PELI2: variants seen among roughly 807,000 people sequenced by gnomAD.
PELI2 encodes pellino E3 ubiquitin protein ligase family member 2.
A neutral mutation model predicts 42.3 loss-of-function variants in PELI2; 23 were observed. The ratio of observed to expected loss-of-function variants is 0.54; its 90% confidence interval spans 0.39 to 0.77. The LOEUF is 0.77. Ranked by LOEUF, PELI2 falls within the 30% of genes least tolerant of loss-of-function variation. The pLI is 0.00. For synonymous variants in PELI2, 245 were observed against 212.2 expected (o/e 1.15, Z -1.34); for missense variants, 463 against 553.2 (o/e 0.84, Z 1.64).
In PELI2 at chr14:56,178,288, G is replaced by T. The variant is rs756584234; in HGVS notation, c.78-47G>T. On this transcript the variant is annotated intron_variant, in intron 1 of 5. Transcript: ENST00000267460. The stretch of plus-strand genomic sequence containing the variant: ...AATACCTCTAACTTTTATGTTTAAA[G>T]CTTGAAAAATCTGCAGATAGATGAA... The T allele has an allele frequency of 5.6e-6, 9 of 1,603,452 alleles. No homozygotes were observed. In the African/African-American group the frequency reaches 9.4e-5, roughly 17 times the overall value.
At chr14:56,125,557 C>CTT (rs1277098716) in intron 1 of PELI2, among the ~76,000 whole-genome samples, 2 of 151,926 alleles carry the variant, frequency 1.3e-5, no homozygotes, top group African/African-American at 4.8e-5. Flanking sequence ...TTTTTACTTA[C>CTT]TTTTTTTTCT....
intron 1 of PELI2, among the ~76,000 whole-genome samples, chr14:56,160,048 A>C (rs1317707361): frequency 1.3e-5 from 2 of 149,656 alleles, no homozygotes; most frequent in Non-Finnish European, 1.5e-5. Context: ...TTTGTTTTGC[A>C]TGTTCTTTTT....
chr14:56,249,667 G>A (rs1372264631), intron 2 of PELI2, among the ~76,000 whole-genome samples: 1 of 152,150 alleles, frequency 6.6e-6, no homozygotes, highest in African/African-American at 2.4e-5. Flanking sequence ...AGGCAATATG[G>A]GAATACACAC....
In PELI2 at chr14:56,254,741, G is replaced by A. The variant is rs148582517; in HGVS notation, c.208-24935G>A. On this transcript the variant is annotated intron_variant, in intron 2 of 5. Coordinates refer to ENST00000267460, the MANE Select transcript of PELI2 (RefSeq NM_021255.3). ...GGAGAAAATTTTTGCAATCTTTCCC[G>A]TCTGACAAAGGGCTAATATCCAGAA... Among the ~76,000 whole-genome samples, 71 of 152,128 alleles carry A rather than the reference G, an allele frequency of 4.7e-4. 1 individual carries two copies. Among genetic ancestry groups the A allele is most frequent in the African/African-American group, 1.7e-3 (70 of 41,500 alleles).
intron 1 of PELI2, among the ~76,000 whole-genome samples, chr14:56,161,141 A>T (rs1056015494): frequency 1.3e-5 from 2 of 152,252 alleles, no homozygotes; most frequent in Non-Finnish European, 2.9e-5. Flanking sequence ...CTAGAATCAC[A>T]CGTGTAAGAC....
At chr14:56,214,784 T>C (rs1318189806) in intron 2 of PELI2, among the ~76,000 whole-genome samples, 1 of 151,874 alleles carries the variant, frequency 6.6e-6, no homozygotes, top group Non-Finnish European at 1.5e-5. Context: ...GTTTGATGAG[T>C]GGGGAAAGGC....
chr14:56,195,466 T>C (rs1245283696), intron 2 of PELI2, among the ~76,000 whole-genome samples: 2 of 152,240 alleles, frequency 1.3e-5, no homozygotes, highest in Non-Finnish European at 2.9e-5. Context: ...CTGAAGCAGC[T>C]TTCCACTGCA....
chr14:56,118,788 C>T (rs113941580), intron 1 of PELI2, 51 bp downstream of exon 1: 3 of 1,293,798 alleles, frequency 2.3e-6, no homozygotes, highest in South Asian at 2.8e-5. Flanking sequence ...GGGGAGCGCC[C>T]GCATCCTGGA....
chr14:56,178,913 C>T (rs1488357293), intron 2 of PELI2, among the ~76,000 whole-genome samples: 1 of 152,042 alleles, frequency 6.6e-6, no homozygotes, highest in Admixed American at 6.6e-5. Context: ...TATTTTCCTT[C>T]TGTTAATTGA....
chr14:56,232,090 C>T (rs1887598112), intron 2 of PELI2, among the ~76,000 whole-genome samples: 1 of 152,244 alleles, frequency 6.6e-6, no homozygotes, highest in African/African-American at 2.4e-5. Context: ...AGACAAATAG[C>T]AGGCTCTGAA....
intron 1 of PELI2, among the ~76,000 whole-genome samples, chr14:56,162,311 G>A (rs964318633): frequency 4.0e-5 from 6 of 151,626 alleles, no homozygotes; most frequent in East Asian, 1.9e-4. Context: ...CTCTATGTCC[G>A]TGAGTTCAGT....
chr14:56,138,106 C>G (rs530561933), intron 1 of PELI2, among the ~76,000 whole-genome samples: 2 of 152,324 alleles, frequency 1.3e-5, no homozygotes, highest in East Asian at 3.9e-4. Context: ...AGCCCGCTCT[C>G]GCTGCACCGG....
intron 1 of PELI2, among the ~76,000 whole-genome samples, chr14:56,176,514 CT>C (rs1885392654): frequency 6.6e-6 from 1 of 152,184 alleles, no homozygotes; most frequent in South Asian, 2.1e-4. Flanking sequence ...CATGCTCCCC[CT>C]AACTGCCACC....
At chr14:56,239,943 T>C (rs1887917447) in intron 2 of PELI2, among the ~76,000 whole-genome samples, 1 of 152,150 alleles carries the variant, frequency 6.6e-6, no homozygotes, top group African/African-American at 2.4e-5. Context: ...AATCTATCAG[T>C]AGCAGAAAAG....
chr14:56,178,449 G>C lies in PELI2; in HGVS notation c.192G>C (p.Thr64=). 4 of 1,614,096 alleles carry C rather than the reference G, an allele frequency of 2.5e-6. No homozygotes were observed. The highest frequency in any genetic ancestry group is 3.4e-6 in the Non-Finnish European group (4 of 1,179,982). ...CCAGCACCGTCCATGTGATATCCAC[G>C]CCCCAGGCATCCAAGGTAGGTGGGT... ...VKPSTVHVIS[T]PQASKAISCK... The change falls in exon 2 of 6, where the codon ACG becomes ACC. Residue 64 remains threonine, a synonymous_variant. Transcript: ENST00000267460.
At position 56,219,152 on chromosome 14, in the gene PELI2, T is replaced by TTTA. The variant is rs138642931; in HGVS notation, c.207+40690_207+40691insATT. 1.9e-3 allele frequency among the ~76,000 whole-genome samples: 283 copies of TTTA among 151,802 alleles called. No homozygotes were observed. The highest frequency in any genetic ancestry group is 3.3e-3 in the Non-Finnish European group (224 of 67,908). On this transcript the variant is annotated intron_variant, in intron 2 of 5. Coordinates refer to ENST00000267460, the MANE Select transcript of PELI2 (RefSeq NM_021255.3). This position sits in a 1 kb window ranked among gnomAD's most constrained non-coding sequence, Gnocchi z 4.1. ...CCTGGTCTCTTAATTCCTTTTTTATTTTTTTTTGGATGACTTGAGGACAAT... is the reference window on the plus strand; with the variant it reads ...CCTGGTCTCTTAATTCCTTTTTTATTTTATTTTTTTGGATGACTTGAGGACAAT...
At chr14:56,237,658 C>T (rs1008117248) in intron 2 of PELI2, among the ~76,000 whole-genome samples, 2 of 151,006 alleles carry the variant, frequency 1.3e-5, no homozygotes, top group East Asian at 3.9e-4. Flanking sequence ...CCCCAAGCAT[C>T]ATAATTGCTG....
intron 1 of PELI2, among the ~76,000 whole-genome samples, chr14:56,131,776 A>C (rs1461510580): frequency 6.6e-6 from 1 of 152,212 alleles, no homozygotes; most frequent in African/African-American, 2.4e-5. Flanking sequence ...GTCAAAGCTC[A>C]TGCTTTGGGT....
intron 2 of PELI2, among the ~76,000 whole-genome samples, chr14:56,223,466 C>A (rs1003045238): frequency 7.2e-5 from 11 of 152,152 alleles, no homozygotes; most frequent in African/African-American, 1.2e-4. Flanking sequence ...TCTCTGAAGA[C>A]CATCCTGGTC....
Sources: allele counts gnomAD v4.1 joint callset (sites outside exome capture counted in the v4.1 genomes callset), GRCh38; gene constraint gnomAD v4.1.1; non-coding constraint Gnocchi (gnomAD v3.1); transcripts MANE v1.5; gene names NCBI Gene and HGNC (gene_info 2026-07-23, HGNC 2026-07-21).